Variants in RNF41 observed in about 807,000 individuals in gnomAD.
RNF41 encodes the protein ring finger protein 41.
In RNF41, 4 loss-of-function variants were observed where a neutral mutation model predicts 33.0. That is an observed-to-expected ratio of 0.12 (90% confidence interval 0.06 to 0.28). The LOEUF (loss-of-function observed/expected upper bound fraction) is 0.28, where lower values mean the gene tolerates loss of function less well. Among genes scored for constraint, RNF41 ranks in the 10% least tolerant of loss-of-function variants. The probability of loss-of-function intolerance (pLI) is 1.00; values close to 1 mark genes in which losing one functional copy is unlikely to be tolerated. For missense variants in RNF41, 228 were observed against 432.6 expected, an observed-to-expected ratio of 0.53 and a Z score of 4.19; for synonymous variants, 164 against 153.2, an observed-to-expected ratio of 1.07 and a Z score of -0.52.
At chr12:56,219,195 A>ATTTTT (rs1300553805) in intron 1 of RNF41, among the ~76,000 whole-genome samples, 1 of 135,954 alleles carries the variant, frequency 7.4e-6, no homozygotes, top group African/African-American at 2.7e-5. Context: ...TTATTTATTT[A>ATTTTT]TTTATTTTTT....
intron 1 of RNF41, among the ~76,000 whole-genome samples, chr12:56,220,702 G>A (rs1051532286): frequency 3.3e-5 from 5 of 151,182 alleles, no homozygotes; most frequent in African/African-American, 9.7e-5. Flanking sequence ...CTGCACTCCA[G>A]CGTGGGTGAC....
chr12:56,212,067 T>G (rs915305277), intron 3 of RNF41, among the ~76,000 whole-genome samples: 4 of 152,208 alleles, frequency 2.6e-5, no homozygotes, highest in Non-Finnish European at 5.9e-5. Context: ...GCAGATCACT[T>G]GAGATCAGTT....
At chr12:56,210,140 A>G (rs987362376) in intron 4 of RNF41, 157 bp downstream of exon 4, 2 of 715,156 alleles carry the variant, frequency 2.8e-6, no homozygotes, top group African/African-American at 3.6e-5. Flanking sequence ...AAAAGCAGCA[A>G]GAAAGTAAGA....
At position 56,207,453 on chromosome 12, in the gene RNF41, A is replaced by G. The variant is rs703823; in HGVS notation, c.602+193T>C. 0.95 allele frequency: 700,238 copies of G among 737,458 alleles called. 340,132 individuals carry two copies. The highest frequency in any genetic ancestry group is 1 in the Non-Finnish European group (420,300 of 421,166). The allele number at this position is 737,458 out of a possible 1,614,324, so 45.7% of individuals were successfully genotyped here. On this transcript the variant is annotated intron_variant, in intron 6 of 6. Coordinates refer to ENST00000345093, the MANE Select transcript of RNF41 (RefSeq NM_005785.4). The stretch of plus-strand genomic sequence containing the variant: ...AGGCTTTCCCTCCATCCACCCAAAC[A>G]CATAAGACATCCTGTAGTGGAGCTA...
chr12:56,218,250 G>A (rs889600733), intron 1 of RNF41, among the ~76,000 whole-genome samples: 3 of 151,740 alleles, frequency 2.0e-5, no homozygotes, highest in African/African-American at 7.3e-5. Flanking sequence ...CACCGCGCCT[G>A]GCCCACATAA....
At chr12:56,220,413 C>G (rs1196500236) in intron 1 of RNF41, among the ~76,000 whole-genome samples, 1 of 150,132 alleles carries the variant, frequency 6.7e-6, no homozygotes, top group Non-Finnish European at 1.5e-5. Flanking sequence ...GACGGGGTTT[C>G]ACTGTGTTGC....
chr12:56,218,399 A>C (rs915212940), intron 1 of RNF41, among the ~76,000 whole-genome samples: 4 of 151,530 alleles, frequency 2.6e-5, no homozygotes, highest in Admixed American at 6.6e-5. Flanking sequence ...AATAGCTGGG[A>C]CCACAGGCAC....
chr12:56,217,032 C>T (rs1195532993), intron 1 of RNF41, among the ~76,000 whole-genome samples: 1 of 151,496 alleles, frequency 6.6e-6, no homozygotes, highest in African/African-American at 2.4e-5. Context: ...CCCAGCTACT[C>T]GGGAGGCTGA....
chr12:56,212,995 C>T (rs1003600738), intron 3 of RNF41: 4 of 1,289,682 alleles, frequency 3.1e-6, no homozygotes, highest in Non-Finnish European at 4.0e-6. Context: ...ATTGTACTTG[C>T]CTGGTAATCG....
chr12:56,219,670 T>TACACACACACACACAC lies in RNF41; in HGVS notation c.-209+2089_-209+2090insGTGTGTGTGTGTGTGT, dbSNP rs765627528. On this transcript the variant is annotated intron_variant, in intron 1 of 6. Transcript: ENST00000345093. ...GTGTGTGTGTGTATATATGTGTATA[T>TACACACACACACACAC]ACACGCGCGCACCCCTTATACATAC... is the stretch of plus-strand genomic sequence containing the variant. Among the ~76,000 whole-genome samples, 297 of 151,012 alleles carry TACACACACACACACAC rather than the reference T, an allele frequency of 2.0e-3. 3 individuals carry two copies. Among genetic ancestry groups the TACACACACACACACAC allele is most frequent in the Non-Finnish European group, 1.6e-3 (109 of 67,856 alleles).
Position 56,205,577 on chromosome 12 carries a change from G to A in RNF41, c.*870C>T, listed in dbSNP as rs988109601. On this transcript the variant is annotated 3_prime_UTR_variant, in exon 7 of 7. Coordinates refer to ENST00000345093, the MANE Select transcript of RNF41 (RefSeq NM_005785.4). Reference sequence around the variant, plus strand: ...CCATTCTTAAAAAAAAGAGGGGGGGGGGCAGTAGGTGGAGTTTGTGAAATA... The same window carrying A: ...CCATTCTTAAAAAAAAGAGGGGGGGAGGCAGTAGGTGGAGTTTGTGAAATA... 2.0e-5 allele frequency: 3 copies of A among 150,132 alleles called. No individual in the cohort carries two copies. The highest frequency in any genetic ancestry group is 6.6e-5 in the Admixed American group (1 of 15,086). 9.3% of individuals were successfully genotyped at this position (150,132 alleles called of 1,614,324 possible).
At chr12:56,215,611 C>T (rs560843807) in intron 2 of RNF41, among the ~76,000 whole-genome samples, 13 of 146,276 alleles carry the variant, frequency 8.9e-5, no homozygotes, top group African/African-American at 3.3e-4. Flanking sequence ...CCCAGCTACT[C>T]GGGAGGCTGA....
chr12:56,221,326 C>A (rs1410746772), intron 1 of RNF41, among the ~76,000 whole-genome samples: 3 of 152,100 alleles, frequency 2.0e-5, no homozygotes, highest in African/African-American at 7.2e-5. Flanking sequence ...AGGCTGCCAA[C>A]GACAAGGCAT....
chr12:56,212,848 G>A, intron 3 of RNF41: 2 of 523,338 alleles, frequency 3.8e-6, no homozygotes, highest in Non-Finnish European at 6.4e-6. Flanking sequence ...ATTGCCTAGT[G>A]TCCTGGTTTG....
At chr12:56,207,492 T>C (rs1424338767) in intron 6 of RNF41, 154 bp downstream of exon 6, 1 of 754,316 alleles carries the variant, frequency 1.3e-6, no homozygotes, top group East Asian at 2.6e-5. Flanking sequence ...GTTATCCTCT[T>C]CTCCTCTGCC....
chr12:56,207,347 C>T (rs1305360733), intron 6 of RNF41: 1 of 1,171,978 alleles, frequency 8.5e-7, no homozygotes, highest in Admixed American at 2.1e-5. Context: ...TCTTTTTGGC[C>T]CTCCTAGCAC....
chr12:56,210,050 G>C (rs773658), intron 4 of RNF41: 510,433 of 544,212 alleles, frequency 0.94, 246,465 homozygotes, highest in South Asian at 1. Context: ...AGTCAATCAA[G>C]CTTTAATGTT....
At chr12:56,221,539 C>T (rs1869441155) in intron 1 of RNF41, 1 of 152,656 alleles carries the variant, frequency 6.6e-6, no homozygotes, top group Admixed American at 6.5e-5. Flanking sequence ...CAAAGCTCCC[C>T]TATTCCAATG....
Position 56,210,579 on chromosome 12 carries a change from G to T in RNF41, c.91-11C>A, listed in dbSNP as rs759297355. The T allele has an allele frequency of 3.1e-6, 5 of 1,609,624 alleles. No individual in the cohort carries two copies. In the South Asian group the frequency reaches 4.4e-5, roughly 14 times the overall value. Reference sequence around the variant, plus strand: ...TTCACAATGAGGTGCCTAGAAGAGAGAACAAGGCAAAAGGGGCGCAAGGGA... The same window carrying T: ...TTCACAATGAGGTGCCTAGAAGAGATAACAAGGCAAAAGGGGCGCAAGGGA... On this transcript the variant is annotated splice_polypyrimidine_tract_variant and intron_variant, in intron 3 of 6. Coordinates refer to ENST00000345093, the MANE Select transcript of RNF41 (RefSeq NM_005785.4).
Sources: allele counts gnomAD v4.1 joint callset (sites outside exome capture counted in the v4.1 genomes callset), GRCh38; gene constraint gnomAD v4.1.1; transcripts MANE v1.5; gene names NCBI Gene and HGNC (gene_info 2026-07-23, HGNC 2026-07-21).